DLEU7: variants seen among roughly 807,000 people sequenced by gnomAD.
The protein encoded by DLEU7 is deleted in lymphocytic leukemia 7.
DLEU7 carries 17 observed loss-of-function variants against 16.0 expected under a neutral mutation model. The ratio of observed to expected loss-of-function variants is 1.06; its 90% confidence interval spans 0.73 to 1.59. DLEU7 has a LOEUF of 1.59. Ranked by LOEUF, DLEU7 falls within the 40% of genes most tolerant of loss-of-function variation. The pLI, the probability that DLEU7 is intolerant of heterozygous loss-of-function variation, is 0.00. For missense variants in DLEU7, 308 were observed against 314.9 expected, an observed-to-expected ratio of 0.98 and a Z score of 0.17; for synonymous variants, 113 against 139.8, an observed-to-expected ratio of 0.81 and a Z score of 1.35.
At chr13:50,790,917 AGCTCACTTCG>A (rs1427551403) in intron 1 of DLEU7, among the ~76,000 whole-genome samples, 1 of 152,172 alleles carries the variant, frequency 6.6e-6, no homozygotes, top group Non-Finnish European at 1.5e-5. Flanking sequence ...AAGCTGAATA[AGCTCACTTCG>A]GCTATACCCA....
intron 1 of DLEU7, among the ~76,000 whole-genome samples, chr13:50,767,188 G>A (rs780221191): frequency 5.9e-5 from 9 of 152,154 alleles, no homozygotes; most frequent in Non-Finnish European, 1.2e-4. Flanking sequence ...GGGCGCGGTG[G>A]CTCACGCCTG....
intron 1 of DLEU7, among the ~76,000 whole-genome samples, chr13:50,811,844 G>A (rs529882707): frequency 2.6e-5 from 4 of 152,142 alleles, no homozygotes; most frequent in Admixed American, 6.5e-5. Flanking sequence ...CAAGGCAGGC[G>A]GATCACTTGA....
intron 1 of DLEU7, among the ~76,000 whole-genome samples, chr13:50,738,096 C>G (rs1874135032): frequency 6.6e-6 from 1 of 152,130 alleles, no homozygotes; most frequent in South Asian, 2.1e-4. Flanking sequence ...CAAAGCCTAA[C>G]TCAGAGCAAG....
intron 1 of DLEU7, among the ~76,000 whole-genome samples, chr13:50,831,562 G>A (rs886410512): frequency 1.3e-5 from 2 of 152,132 alleles, no homozygotes; most frequent in East Asian, 1.9e-4. Context: ...TTGTGTGGAA[G>A]GCCTTGAATG....
At chr13:50,842,007 T>A (rs1593420693) in intron 1 of DLEU7, among the ~76,000 whole-genome samples, 1 of 148,274 alleles carries the variant, frequency 6.7e-6, no homozygotes, top group East Asian at 2.2e-4. Context: ...CGGCGAGGAA[T>A]ATGCTGCTGG....
intron 1 of DLEU7, among the ~76,000 whole-genome samples, chr13:50,830,947 T>C (rs950642007): frequency 3.9e-5 from 6 of 152,194 alleles, no homozygotes; most frequent in African/African-American, 1.4e-4. Flanking sequence ...CACTCAGTTT[T>C]CTCATCTGCA....
At chr13:50,713,673 T>C (rs1407981049) in intron 1 of DLEU7, among the ~76,000 whole-genome samples, 1 of 152,164 alleles carries the variant, frequency 6.6e-6, no homozygotes, top group East Asian at 1.9e-4. Flanking sequence ...AACAGCATCA[T>C]GGACGTATTT....
Position 50,734,974 on chromosome 13 carries a change from C to T in DLEU7, c.460-21734G>A, listed in dbSNP as rs916384746. Among the ~76,000 whole-genome samples, 31 of 152,204 alleles carry T rather than the reference C, an allele frequency of 2.0e-4. 1 individual carries two copies. Among genetic ancestry groups the T allele is most frequent in the Admixed American group, 1.8e-3 (27 of 15,282 alleles). On this transcript the variant is annotated intron_variant, in intron 1 of 1. Transcript: ENST00000400393. Reference sequence around the variant, plus strand: ...AATAGAAGGATACATACCATGCAAACAGTAAATCTTAAGAGAGCTGTCATG... The same window carrying T: ...AATAGAAGGATACATACCATGCAAATAGTAAATCTTAAGAGAGCTGTCATG...
At chr13:50,762,189 CAAAAAAAAAAAA>C (rs71085045) in intron 1 of DLEU7, among the ~76,000 whole-genome samples, 9 of 84,294 alleles carry the variant, frequency 1.1e-4, no homozygotes, top group South Asian at 4.3e-4. Context: ...AGACTCGTCT[CAAAAAAAAAAAA>C]AAAAAAAAAA....
chr13:50,768,600 C>A (rs552604820), intron 1 of DLEU7, among the ~76,000 whole-genome samples: 1 of 152,252 alleles, frequency 6.6e-6, no homozygotes, highest in African/African-American at 2.4e-5. Flanking sequence ...CATGTCCTTA[C>A]AAAGGACATA....
chr13:50,777,171 G>A (rs556004325), intron 1 of DLEU7, among the ~76,000 whole-genome samples: 22 of 152,262 alleles, frequency 1.4e-4, no homozygotes, highest in African/African-American at 5.1e-4. Context: ...TCTAATCACT[G>A]AACTAATAGA....
At chr13:50,748,374 T>C (rs1874464159) in intron 1 of DLEU7, among the ~76,000 whole-genome samples, 1 of 151,994 alleles carries the variant, frequency 6.6e-6, no homozygotes. Flanking sequence ...CCTGGGTCAT[T>C]GGTAAATTAT....
chr13:50,731,670 A>G (rs1873916099), intron 1 of DLEU7, among the ~76,000 whole-genome samples: 1 of 152,186 alleles, frequency 6.6e-6, no homozygotes, highest in South Asian at 2.1e-4. Context: ...CTTATTCTAA[A>G]ATGTTGCACT....
chr13:50,745,626 A>T (rs919136684), intron 1 of DLEU7, among the ~76,000 whole-genome samples: 2 of 152,176 alleles, frequency 1.3e-5, no homozygotes, highest in Non-Finnish European at 1.5e-5. Flanking sequence ...TGTTAGAGGG[A>T]TTATCTTGTC....
chr13:50,761,725 G>T (rs1874937643), intron 1 of DLEU7, among the ~76,000 whole-genome samples: 2 of 152,078 alleles, frequency 1.3e-5, no homozygotes, highest in Admixed American at 1.3e-4. Context: ...GAGGCATCTG[G>T]TGAGGCTGAA....
chr13:50,789,181 G>A (rs559122554), intron 1 of DLEU7, among the ~76,000 whole-genome samples: 20 of 151,588 alleles, frequency 1.3e-4, no homozygotes, highest in African/African-American at 4.4e-4. Context: ...GACAGCATAC[G>A]TGCAGGTTAG....
chr13:50,834,376 G>T (rs1877381604), intron 1 of DLEU7, among the ~76,000 whole-genome samples: 1 of 151,938 alleles, frequency 6.6e-6, no homozygotes, highest in African/African-American at 2.4e-5. Flanking sequence ...AGTGGGAAAA[G>T]GATATGAACA....
intron 1 of DLEU7, among the ~76,000 whole-genome samples, chr13:50,763,840 T>C (rs898634564): frequency 6.6e-6 from 1 of 152,192 alleles, no homozygotes; most frequent in Non-Finnish European, 1.5e-5. Flanking sequence ...AGTTTCCACA[T>C]CTGTAAACTG....
intron 1 of DLEU7, 108 bp from the exon 2 acceptor site, chr13:50,823,628 T>TG: frequency 7.6e-7 from 1 of 1,313,944 alleles, no homozygotes; most frequent in African/African-American, 1.5e-5. Context: ...GACAGCACTC[T>TG]GGTTTTTTTT....
Sources: allele counts gnomAD v4.1 joint callset (sites outside exome capture counted in the v4.1 genomes callset), GRCh38; gene constraint gnomAD v4.1.1; transcripts MANE v1.5; gene names NCBI Gene and HGNC (gene_info 2026-07-23, HGNC 2026-07-21).